PRUNE1: variants seen among roughly 807,000 people sequenced by gnomAD.
PRUNE1 encodes prune exopolyphosphatase 1.
PRUNE1 carries 25 observed loss-of-function variants against 42.5 expected under a neutral mutation model. That is an observed-to-expected ratio of 0.59 (90% CI 0.43 to 0.82). The LOEUF is 0.82. Ranked by LOEUF, PRUNE1 falls within the 40% of genes least tolerant of loss-of-function variation. The probability of loss-of-function intolerance (pLI) is 0.00; values close to 1 mark genes in which losing one functional copy is unlikely to be tolerated. For missense variants in PRUNE1, 443 were observed against 539.3 expected (o/e 0.82, Z 1.77); for synonymous variants, 203 against 217.1 (o/e 0.93, Z 0.57).
intron 1 of PRUNE1, among the ~76,000 whole-genome samples, chr1:151,017,092 C>CAAAAAA (rs34772866): frequency 1.3e-5 from 1 of 76,112 alleles, no homozygotes; most frequent in African/African-American, 5.7e-5. Context: ...AACTCCATCT[C>CAAAAAA]AAAAAAAAAA....
intron 6 of PRUNE1, among the ~76,000 whole-genome samples, chr1:151,027,760 G>GTA (rs1453849302): frequency 6.8e-6 from 1 of 147,106 alleles, no homozygotes; most frequent in Non-Finnish European, 1.5e-5. Flanking sequence ...GTGTGTGTGT[G>GTA]TGTGTGTGTG....
At chr1:151,009,016 C>G (rs1673562879) in intron 1 of PRUNE1, among the ~76,000 whole-genome samples, 1 of 152,060 alleles carries the variant, frequency 6.6e-6, no homozygotes, top group South Asian at 2.1e-4. Flanking sequence ...CGCCGCCAGC[C>G]TAGCCCCGCG....
At chr1:151,022,808 T>C (rs1674561875) in intron 3 of PRUNE1, 1 of 152,160 alleles carries the variant, frequency 6.6e-6, no homozygotes, top group African/African-American at 2.4e-5. Flanking sequence ...GCTAATCTTC[T>C]CTGTGTCATT....
intron 3 of PRUNE1, among the ~76,000 whole-genome samples, chr1:151,023,592 C>A (rs1411265925): frequency 6.6e-6 from 1 of 151,822 alleles, no homozygotes; most frequent in Middle Eastern, 3.2e-3. Flanking sequence ...GTGGTGGGCG[C>A]CTGTACTCCC....
Position 151,024,679 on chromosome 1 carries a change from G to T in PRUNE1, c.404G>T (p.Cys135Phe). 6.2e-7 allele frequency: 1 copy of T among 1,613,924 alleles called. No homozygotes were observed. The highest frequency in any genetic ancestry group is 8.5e-7 in the Non-Finnish European group (1 of 1,179,910). ...CATCGACCCATCGAGCCGAAACACT[G>T]CCCTCCCTGCCATGTTTCAGTTGAG... ...LDHRPIEPKH[C>F]PPCHVSVELV... The change falls in exon 4 of 8, where the codon TGC (cysteine) becomes TTC (phenylalanine). Residue 135 changes from cysteine (C) to phenylalanine (F), a missense_variant. Coordinates refer to ENST00000271620, the MANE Select transcript of PRUNE1 (RefSeq NM_021222.3).
chr1:151,013,369 C>A (rs1047516599), intron 1 of PRUNE1, among the ~76,000 whole-genome samples: 1 of 152,180 alleles, frequency 6.6e-6, no homozygotes, highest in South Asian at 2.1e-4. Context: ...CTTTTGTATT[C>A]ATTCCTTTTG....
rs1456845940 is a variant in PRUNE1 at position 151,025,534 on chromosome 1, T to C, written c.540T>C (p.Cys180=). The change falls in exon 5 of 8, where the codon TGT becomes TGC. Residue 180 remains cysteine (C), a synonymous_variant. Transcript: ENST00000271620. ...CCACAGGAACCATCATCCTGGACTG[T>C]GTCAACATGGACCTTAAAATTGGAA... ...ALLHGTIILD[C]VNMDLKIGKA... 1 of 1,614,044 alleles carries C rather than the reference T, an allele frequency of 6.2e-7. No homozygotes were observed. Among genetic ancestry groups the C allele is most frequent in the African/African-American group, 1.3e-5 (1 of 75,042 alleles).
At chr1:151,018,211 G>A in intron 2 of PRUNE1, 1 of 677,950 alleles carries the variant, frequency 1.5e-6, no homozygotes, top group East Asian at 2.5e-5. Context: ...GTTAGTTCTT[G>A]AGGACTAAAA....
chr1:151,013,404 G>T (rs1267148484), intron 1 of PRUNE1, among the ~76,000 whole-genome samples: 1 of 152,166 alleles, frequency 6.6e-6, no homozygotes, highest in East Asian at 1.9e-4. Flanking sequence ...TTGGCTGAGC[G>T]CAAGGGGTTC....
rs188860993 is a variant in PRUNE1 at position 151,011,855 on chromosome 1, T to C, written c.39+3184T>C. ...GTACAGTTGCATGATCTCGGCTCACTGCAACCTCCGCCTGCCAGGTTCAAG... is the reference window on the plus strand; with the variant it reads ...GTACAGTTGCATGATCTCGGCTCACCGCAACCTCCGCCTGCCAGGTTCAAG... On this transcript the variant is annotated intron_variant, in intron 1 of 7. Transcript: ENST00000271620. 3.5e-3 allele frequency among the ~76,000 whole-genome samples: 527 copies of C among 152,126 alleles called. 3 individuals carry two copies. Among genetic ancestry groups the C allele is most frequent in the South Asian group, 7.9e-3 (38 of 4,818 alleles).
intron 7 of PRUNE1, among the ~76,000 whole-genome samples, chr1:151,031,188 TG>T (rs1182741702): frequency 3.1e-5 from 4 of 130,466 alleles, no homozygotes; most frequent in African/African-American, 1.5e-4. Context: ...TGTGTGTGTG[TG>T]TGTGTTTTTT....
chr1:151,025,417 C>A, intron 4 of PRUNE1, 98 bp from the exon 5 acceptor site: 1 of 1,244,870 alleles, frequency 8.0e-7, no homozygotes, highest in South Asian at 1.7e-5. Flanking sequence ...ATACAAATCT[C>A]CTTGTGTGTG....
chr1:151,034,382 A>C lies in PRUNE1; in HGVS notation c.*148A>C. Reference sequence around the variant, plus strand: ...TAAAACTGAGAGGAGAAAAAAAGTGAAAGAAAGCAGCTGCTTTAAGAATGG... The same window carrying C: ...TAAAACTGAGAGGAGAAAAAAAGTGCAAGAAAGCAGCTGCTTTAAGAATGG... On this transcript the variant is annotated 3_prime_UTR_variant, in exon 8 of 8. Coordinates refer to ENST00000271620, the MANE Select transcript of PRUNE1 (RefSeq NM_021222.3). 1.2e-6 allele frequency: 1 copy of C among 817,216 alleles called. No individual in the cohort carries two copies. Among genetic ancestry groups the C allele is most frequent in the South Asian group, 1.9e-5 (1 of 53,060 alleles). The allele number at this position is 817,216 out of a possible 1,614,324, so 50.6% of individuals were successfully genotyped here.
intron 7 of PRUNE1, among the ~76,000 whole-genome samples, chr1:151,032,938 T>A (rs1675325182): frequency 6.6e-6 from 1 of 151,572 alleles, no homozygotes; most frequent in African/African-American, 2.4e-5. Flanking sequence ...CATGTCTGGC[T>A]AATTTTTGTA....
At position 151,021,842 on chromosome 1, in the gene PRUNE1, GTT is replaced by G. The variant is rs587731103; in HGVS notation, c.336-2765_336-2764del. On this transcript the variant is annotated intron_variant, in intron 3 of 7. Transcript: ENST00000271620. ...ATTTTGTGTGTGTGTGTGTGTGTGT[GTT>G]TTTAGTAGAGATGGGGCTTCACCAT... 3.0e-3 allele frequency among the ~76,000 whole-genome samples: 452 copies of G among 150,608 alleles called. 2 individuals are homozygous for G. Among genetic ancestry groups the G allele is most frequent in the South Asian group, 8.1e-3 (39 of 4,786 alleles).
Position 151,035,116 on chromosome 1 carries a change from T to G in PRUNE1, c.*882T>G, listed in dbSNP as rs1675476694. The G allele has an allele frequency of 6.6e-6, 1 of 152,226 alleles. No homozygotes were observed. The highest frequency in any genetic ancestry group is 1.5e-5 in the Non-Finnish European group (1 of 68,038). 9.4% of individuals were successfully genotyped at this position (152,226 alleles called of 1,614,324 possible). ...ATTAAAAGGAAGCATGGAGTTCTAA[T>G]GCTCCCATAAACTATGTATTTTGGC... On this transcript the variant is annotated 3_prime_UTR_variant, in exon 8 of 8. Transcript: ENST00000271620.
At chr1:151,011,848 G>A (rs1031992148) in intron 1 of PRUNE1, among the ~76,000 whole-genome samples, 5 of 151,140 alleles carry the variant, frequency 3.3e-5, no homozygotes, top group Admixed American at 2.6e-4. Flanking sequence ...GCATGATCTC[G>A]GCTCACTGCA....
intron 3 of PRUNE1, among the ~76,000 whole-genome samples, chr1:151,024,026 CA>C (rs889530553): frequency 5.1e-4 from 73 of 144,314 alleles, no homozygotes; most frequent in Admixed American, 6.3e-4. Flanking sequence ...ACTAAAAATA[CA>C]AAAAAAAAAA....
rs1675429673 is a variant in PRUNE1, at chr1:151,034,265, G to C, written c.*31G>C. On this transcript the variant is annotated 3_prime_UTR_variant, in exon 8 of 8. Transcript: ENST00000271620. The stretch of plus-strand genomic sequence containing the variant: ...GAGAGGCGAGGAGGTAGTGGGTGAG[G>C]CTACCTGACTCACTTCAAATGCATG... 1 of 1,579,530 alleles carries C rather than the reference G, an allele frequency of 6.3e-7. No individual in the cohort carries two copies. Among genetic ancestry groups the C allele is most frequent in the Non-Finnish European group, 8.6e-7 (1 of 1,156,260 alleles).
Sources: gnomAD v4.1 joint callset for allele counts (sites outside exome capture counted in the v4.1 genomes callset) on GRCh38, gnomAD v4.1.1 for gene constraint, MANE v1.5 for transcripts, NCBI Gene and HGNC (gene_info 2026-07-23, HGNC 2026-07-21) for gene names.